PPM1J: variants seen among roughly 807,000 people sequenced by gnomAD.
PPM1J encodes the protein protein phosphatase, Mg2+/Mn2+ dependent 1J, also known as protein phosphatase 1J.
PPM1J carries 43 observed loss-of-function variants against 53.3 expected under a neutral mutation model. The observed-to-expected ratio is 0.81, with a 90% confidence interval of 0.63 to 1.04. The LOEUF (loss-of-function observed/expected upper bound fraction) is 1.04, where lower values mean the gene tolerates loss of function less well. PPM1J is among the 50% of genes least tolerant of loss of function. The pLI is 0.00. For missense variants in PPM1J, 635 were observed against 685.9 expected (o/e 0.93, Z 0.83); for synonymous variants, 267 against 286.4 (o/e 0.93, Z 0.68).
chr1:112,714,274 G>T, intron 1 of PPM1J: 1 of 985,688 alleles, frequency 1.0e-6, no homozygotes, highest in Non-Finnish European at 1.2e-6. Context: ...CGAACTGAGC[G>T]CCCCCATCTC....
At position 112,715,056 on chromosome 1, in the gene PPM1J, G is replaced by A; in HGVS notation, c.246C>T (p.Arg82=). 6.5e-7 allele frequency: 1 copy of A among 1,539,358 alleles called. No homozygotes were observed. The highest frequency in any genetic ancestry group is 8.7e-7 in the Non-Finnish European group (1 of 1,152,044). The change falls in exon 1 of 10, where the codon CGC becomes CGT. Residue 82 remains arginine, a synonymous_variant. Coordinates refer to ENST00000309276, the MANE Select transcript of PPM1J (RefSeq NM_005167.7). This position sits in a 1 kb window ranked among gnomAD's most constrained non-coding sequence, Gnocchi z 4.4. Reference sequence around the variant, plus strand: ...CAGCCCGGCCCGCGTGGTCATCGGCGCGTCGCAGCCCCCCGGGGCTCAGCT... The same window carrying A: ...CAGCCCGGCCCGCGTGGTCATCGGCACGTCGCAGCCCCCCGGGGCTCAGCT... ...FLQLSPGGLR[R]ADDHAGRAVQ...
chr1:112,713,447 TC>T (rs774228316), intron 2 of PPM1J, 49 bp downstream of exon 2: 1 of 1,309,438 alleles, frequency 7.6e-7, no homozygotes, highest in South Asian at 1.2e-5. Flanking sequence ...GAGGCCTGAG[TC>T]CCTGGGGAGA....
rs1028346446 is a variant in PPM1J, at chr1:112,713,931, G to C, written c.327-320C>G. 2.2e-5 allele frequency: 16 copies of C among 740,776 alleles called. No homozygotes were observed. The South Asian group carries it at 2.6e-4, about 12-fold the overall frequency. 45.9% of individuals were successfully genotyped at this position (740,776 alleles called of 1,614,324 possible). ...AAAAGGCATTCCTAGTGGTGCTTCTGGGGGAGGGGCTAGTTGGTAGCAGAA... is the reference window on the plus strand; with the variant it reads ...AAAAGGCATTCCTAGTGGTGCTTCTCGGGGAGGGGCTAGTTGGTAGCAGAA... On this transcript the variant is annotated intron_variant, in intron 1 of 9. Coordinates refer to ENST00000309276, the MANE Select transcript of PPM1J (RefSeq NM_005167.7).
intron 3 of PPM1J, 70 bp downstream of exon 3, chr1:112,712,674 C>T: frequency 6.8e-7 from 1 of 1,480,676 alleles, no homozygotes. Context: ...AGGGTAACCC[C>T]CTCTGGCTTC....
rs758900588 is a variant in PPM1J at position 112,711,276 on chromosome 1, T to C, written c.1036A>G (p.Met346Val). 6 of 1,609,092 alleles carry C rather than the reference T, an allele frequency of 3.7e-6. No individual in the cohort carries two copies. Among genetic ancestry groups the C allele is most frequent in the East Asian group, 4.5e-5 (2 of 44,752 alleles). ...TGAGGGAAGTGTTACCAGCCGGTCA[T>C]GTTCTGGTCCCGGTACAACATCCTC... The part of the protein sequence containing the change: ...GQRMLYRDQN[M>V]TGWAYKKIEL... The change falls in exon 6 of 10, where the codon ATG becomes GTG. Residue 346 changes from methionine (M) to valine (V), a missense_variant. Coordinates refer to ENST00000309276, the MANE Select transcript of PPM1J (RefSeq NM_005167.7).
chr1:112,713,649 G>A (rs1351246100), intron 1 of PPM1J, 38 bp from the exon 2 acceptor site: 1 of 1,512,858 alleles, frequency 6.6e-7, no homozygotes, highest in Non-Finnish European at 9.2e-7. Flanking sequence ...TTGGACACCA[G>A]ACCAGGTCCT....
Position 112,713,050 on chromosome 1 carries a change from G to C in PPM1J, c.442-19C>G, listed in dbSNP as rs1259293345. ...AGAGTCCCTGGTGGAGGAAAAGTTG[G>C]AGGTGAGTTTTGTTTGTGTGTGTGT... On this transcript the variant is annotated intron_variant, in intron 2 of 9. Coordinates refer to ENST00000309276, the MANE Select transcript of PPM1J (RefSeq NM_005167.7). 6.4e-7 allele frequency: 1 copy of C among 1,560,776 alleles called. No individual in the cohort carries two copies. The highest frequency in any genetic ancestry group is 2.3e-5 in the East Asian group (1 of 43,950).
intron 5 of PPM1J, among the ~76,000 whole-genome samples, 168 bp downstream of exon 5, chr1:112,711,803 G>A (rs1675067962): frequency 6.6e-6 from 1 of 152,148 alleles, no homozygotes; most frequent in South Asian, 2.1e-4. Context: ...CCTCCCTGCT[G>A]CAACCTCCCA....
chr1:112,715,242 A>G lies in PPM1J; in HGVS notation c.60T>C (p.Pro20=), dbSNP rs1675174321. The G allele has an allele frequency of 1.5e-6, 2 of 1,327,236 alleles. No individual in the cohort carries two copies. The highest frequency in any genetic ancestry group is 1.9e-6 in the Non-Finnish European group (2 of 1,040,292). The allele number at this position is 1,327,236 out of a possible 1,614,324, so 82.2% of individuals were successfully genotyped here. A position where few individuals can be genotyped will look rare whatever the true frequency, so the allele number is the denominator to read the frequency against. Reference sequence around the variant, plus strand: ...GCAGGTCCGGGGATTTGGGGCGCGGAGGCGGAGCGCCCCCGGAGCTCACCA... The same window carrying G: ...GCAGGTCCGGGGATTTGGGGCGCGGGGGCGGAGCGCCCCCGGAGCTCACCA... The part of the protein sequence containing the change: ...AHLVSSGGAP[P]PRPKSPDLPN... Residue 20 remains proline, a synonymous_variant, in exon 1 of 10, where the codon CCT becomes CCC. Coordinates refer to ENST00000309276, the MANE Select transcript of PPM1J (RefSeq NM_005167.7). This position sits in a 1 kb window ranked among gnomAD's most constrained non-coding sequence, Gnocchi z 4.4.
intron 9 of PPM1J, 34 bp from the exon 10 acceptor site, chr1:112,710,344 A>T: frequency 6.2e-7 from 1 of 1,613,042 alleles, no homozygotes; most frequent in South Asian, 1.1e-5. Flanking sequence ...TCATGTACCA[A>T]CATGTATGTG....
intron 1 of PPM1J, 200 bp downstream of exon 1, chr1:112,714,776 A>G (rs950717135): frequency 7.9e-7 from 1 of 1,262,984 alleles, no homozygotes; most frequent in Non-Finnish European, 9.9e-7. Context: ...GGACGTGAAG[A>G]AGGTGACACA....
intron 3 of PPM1J, 61 bp from the exon 4 acceptor site, chr1:112,712,518 T>TC (rs1031249008): frequency 1.6e-4 from 224 of 1,418,258 alleles, no homozygotes; most frequent in Non-Finnish European, 2.0e-4. Flanking sequence ...ACAGTCACCC[T>TC]CCCCCTACCC....
Position 112,710,305 on chromosome 1 carries a change from G to C in PPM1J, c.1376C>G (p.Thr459Arg), listed in dbSNP as rs114911143. 88 of 1,612,752 alleles carry C rather than the reference G, an allele frequency of 5.5e-5. No homozygotes were observed. In the East Asian group the frequency reaches 1.8e-3, roughly 33 times the overall value. ...CAGGACCAGAGCTTGGGCCAGAGCT[G>C]TATACCTGCCAGGAGCACACATGCA... is the stretch of plus-strand genomic sequence containing the variant. ...AYEPNDHSRY[T>R]ALAQALVLGA... Residue 459 changes from threonine to arginine, a missense_variant, in exon 10 of 10, where the codon ACA becomes AGA. Coordinates refer to ENST00000309276, the MANE Select transcript of PPM1J (RefSeq NM_005167.7).
In PPM1J at chr1:112,712,038, T is replaced by C. The variant is rs769716041; in HGVS notation, c.860A>G (p.Asn287Ser). 5.6e-6 allele frequency: 9 copies of C among 1,610,120 alleles called. No individual in the cohort carries two copies. The highest frequency in any genetic ancestry group is 7.6e-6 in the Non-Finnish European group (9 of 1,177,310). ...CCGGGACATTGGAATGATTTCACCA[T>C]TCCGGACAATGATGGCCCTGCCCAA... is the stretch of plus-strand genomic sequence containing the variant. Reference protein sequence around the residue: ...AGDSRAIIVRNGEIIPMSREF... With the variant: ...AGDSRAIIVRSGEIIPMSREF... Residue 287 changes from asparagine to serine, a missense_variant, in exon 5 of 10, where the codon AAT becomes AGT. Asn to Ser is a conservative substitution (Grantham distance 46, BLOSUM62 1). Coordinates refer to ENST00000309276, the MANE Select transcript of PPM1J (RefSeq NM_005167.7).
chr1:112,712,500 T>G, intron 3 of PPM1J, 43 bp from the exon 4 acceptor site: 1 of 1,543,932 alleles, frequency 6.5e-7, no homozygotes, highest in Non-Finnish European at 8.9e-7. Context: ...AAGGAGAGGT[T>G]CCAGCACACA....
intron 3 of PPM1J, 99 bp downstream of exon 3, chr1:112,712,644 CA>C: frequency 1.5e-6 from 2 of 1,317,210 alleles, no homozygotes; most frequent in South Asian, 2.7e-5. Flanking sequence ...CTCAGGCTCT[CA>C]AAGGTGTTGT....
chr1:112,712,175 A>G, intron 4 of PPM1J, 120 bp from the exon 5 acceptor site: 1 of 974,342 alleles, frequency 1.0e-6, no homozygotes, highest in Non-Finnish European at 1.5e-6. Flanking sequence ...AGACCCCCAT[A>G]TCTGCCCCTG....
chr1:112,713,141 C>G (rs958571647), intron 2 of PPM1J, 110 bp from the exon 3 acceptor site: 36 of 1,038,506 alleles, frequency 3.5e-5, no homozygotes, highest in Non-Finnish European at 4.8e-5. Context: ...ATACAAACAT[C>G]TGAGAGGTCA....
At chr1:112,713,116 A>G in intron 2 of PPM1J, 85 bp from the exon 3 acceptor site, 1 of 1,222,822 alleles carries the variant, frequency 8.2e-7, no homozygotes, top group Admixed American at 2.4e-5. Flanking sequence ...GTGAATAACA[A>G]GACTCTGGGC....
Sources: gnomAD v4.1 joint callset for allele counts (sites outside exome capture counted in the v4.1 genomes callset) on GRCh38, gnomAD v4.1.1 for gene constraint, Gnocchi (gnomAD v3.1) non-coding constraint, MANE v1.5 for transcripts, NCBI Gene and HGNC (gene_info 2026-07-23, HGNC 2026-07-21) for gene names.